The following CEP192 variants were observed in gnomAD, a reference collection of about 807,000 sequenced individuals.
CEP192 encodes the protein centrosomal protein 192, also known as centrosomal protein of 192 kDa.
CEP192 carries 151 observed loss-of-function variants against 271.8 expected under a neutral mutation model. The observed-to-expected ratio is 0.56, with a 90% CI of 0.49 to 0.64. CEP192 has a LOEUF of 0.64. Ranked by LOEUF, CEP192 falls within the 30% of genes least tolerant of loss-of-function variation. The probability of loss-of-function intolerance (pLI) is 0.00; values close to 1 mark genes in which losing one functional copy is unlikely to be tolerated. For synonymous variants in CEP192, 995 were observed against 1,076.5 expected (o/e 0.92, Z 1.48); for missense variants, 2,910 against 3,020.5 (o/e 0.96, Z 0.86).
chr18:13,021,068 A>T (rs1183792498), intron 9 of CEP192, among the ~76,000 whole-genome samples: 1 of 152,290 alleles, frequency 6.6e-6, no homozygotes, highest in East Asian at 1.9e-4. Context: ...ATTTTAAATT[A>T]TGATGTAGTG....
intron 33 of CEP192, among the ~76,000 whole-genome samples, chr18:13,090,171 A>G (rs564333341): frequency 1.3e-5 from 2 of 152,352 alleles, no homozygotes; most frequent in South Asian, 2.1e-4. Flanking sequence ...AAATGTATAT[A>G]CAGATTTTCA....
At chr18:12,999,622 C>G in intron 2 of CEP192, 34 bp downstream of exon 2, 2 of 1,471,166 alleles carry the variant, frequency 1.4e-6, no homozygotes, top group Non-Finnish European at 1.8e-6. Context: ...TTTTCCAGGT[C>G]CATAAAGCCT....
chr18:13,016,401 A>G (rs992135940), intron 6 of CEP192, among the ~76,000 whole-genome samples: 1 of 152,216 alleles, frequency 6.6e-6, no homozygotes, highest in South Asian at 2.1e-4. Context: ...AAATAAGCCC[A>G]GAAAAGTAGA....
At chr18:13,052,862 A>T in intron 17 of CEP192, 57 bp from the exon 18 acceptor site, 2 of 1,364,734 alleles carry the variant, frequency 1.5e-6, no homozygotes, top group Middle Eastern at 2.3e-4. Flanking sequence ...GTTTTTTGCT[A>T]ATGTAGATAG....
chr18:13,106,108 C>T (rs2039933870), intron 40 of CEP192, among the ~76,000 whole-genome samples: 1 of 152,146 alleles, frequency 6.6e-6, no homozygotes, highest in African/African-American at 2.4e-5. Flanking sequence ...CAAAAGCAAT[C>T]CTAAGCAAAA....
At chr18:13,039,209 C>G (rs2036071531) in intron 13 of CEP192, among the ~76,000 whole-genome samples, 1 of 152,084 alleles carries the variant, frequency 6.6e-6, no homozygotes, top group South Asian at 2.1e-4. Context: ...AATCCCAGCA[C>G]TTTGGGAGGC....
At chr18:13,059,038 A>T in intron 20 of CEP192, 44 bp from the exon 21 acceptor site, 1 of 1,226,830 alleles carries the variant, frequency 8.2e-7, no homozygotes, top group Non-Finnish European at 1.2e-6. Context: ...CTTGATTTTC[A>T]GTGTGAAGCC....
intron 20 of CEP192, chr18:13,058,086 A>G (rs375708388): frequency 6.5e-6 from 1 of 155,006 alleles, no homozygotes; most frequent in East Asian, 1.9e-4. Flanking sequence ...CTTGTAAAAA[A>G]AAAAAAAGAA....
chr18:13,025,921 AT>A (rs1260669976), intron 9 of CEP192, among the ~76,000 whole-genome samples: 1 of 152,236 alleles, frequency 6.6e-6, no homozygotes, highest in Non-Finnish European at 1.5e-5. Flanking sequence ...GAAAAATAAA[AT>A]GTTTGTTTTA....
chr18:13,049,611 C>T lies in CEP192; in HGVS notation c.2820C>T (p.Val940=). 1 of 1,613,682 alleles carries T rather than the reference C, an allele frequency of 6.2e-7. No individual in the cohort carries two copies. Among genetic ancestry groups the T allele is most frequent in the Non-Finnish European group, 8.5e-7 (1 of 1,179,928 alleles). ...AAAATCAGAGGCAAAATGAGTGTGT[C>T]AGTGAAATAAGCAACAGTGAGAAGC... ...NRENQRQNEC[V]SEISNSEKHV... The change falls in exon 16 of 45, where the codon GTC becomes GTT. Residue 940 remains valine (V), a synonymous_variant. Coordinates refer to ENST00000506447, the MANE Select transcript of CEP192 (RefSeq NM_032142.4).
rs190757412 is a variant in CEP192 at position 13,078,972 on chromosome 18, T to C, written c.5616+5787T>C. On this transcript the variant is annotated intron_variant, in intron 30 of 44. Transcript: ENST00000506447. ...TCCTGCAAAGGACGTGAACTCATCC[T>C]TTATTATGGCTGCATAGTATTCCAT... 2.6e-4 allele frequency among the ~76,000 whole-genome samples: 39 copies of C among 152,356 alleles called. 1 individual carries two copies. In the East Asian group the frequency reaches 7.3e-3, roughly 29 times the overall value.
At chr18:13,040,142 A>C (rs1028610052) in intron 13 of CEP192, among the ~76,000 whole-genome samples, 1 of 152,210 alleles carries the variant, frequency 6.6e-6, no homozygotes, top group African/African-American at 2.4e-5. Context: ...TGGGCAAAGC[A>C]CTGGATCATG....
At chr18:13,084,943 G>A (rs1223685210) in intron 30 of CEP192, among the ~76,000 whole-genome samples, 1 of 151,040 alleles carries the variant, frequency 6.6e-6, no homozygotes, top group East Asian at 1.9e-4. Flanking sequence ...AGCCTCCCAA[G>A]TAGCTGAGAC....
chr18:13,063,995 A>AT (rs201855923), intron 21 of CEP192, among the ~76,000 whole-genome samples: 6,525 of 150,604 alleles, frequency 0.043, 205 homozygotes, highest in East Asian at 0.14. Flanking sequence ...TAATTTTTGT[A>AT]TTTTTAATAG....
chr18:13,080,257 TC>T (rs1175226982), intron 30 of CEP192, among the ~76,000 whole-genome samples: 3 of 152,238 alleles, frequency 2.0e-5, no homozygotes, highest in Admixed American at 1.3e-4. Flanking sequence ...TATTGATTCT[TC>T]CTATCCATGA....
intron 11 of CEP192, among the ~76,000 whole-genome samples, chr18:13,032,178 A>G (rs941062193): frequency 1.3e-5 from 2 of 152,204 alleles, no homozygotes; most frequent in African/African-American, 4.8e-5. Context: ...GTAGAAATCT[A>G]GATGTCCCAG....
intron 11 of CEP192, among the ~76,000 whole-genome samples, chr18:13,031,248 T>G (rs1426956534): frequency 1.4e-5 from 2 of 142,622 alleles, no homozygotes; most frequent in East Asian, 2.0e-4. Context: ...TTGTTGTTTT[T>G]TTTTTTTTTT....
chr18:13,001,106 AT>A (rs1341338121), intron 2 of CEP192, among the ~76,000 whole-genome samples: 3 of 152,218 alleles, frequency 2.0e-5, no homozygotes, highest in African/African-American at 7.2e-5. Context: ...AGGGTCTTGC[AT>A]AATATATAAA....
chr18:13,061,695 T>C lies in CEP192; in HGVS notation c.4488+2383T>C, dbSNP rs575881654. 2.9e-3 allele frequency among the ~76,000 whole-genome samples: 440 copies of C among 152,354 alleles called. 1 individual carries two copies. The highest frequency in any genetic ancestry group is 5.1e-3 in the Non-Finnish European group (347 of 68,032). ...CAGCTCTGCTCTGCTTGCTTTTCTT[T>C]AGGTCAAGGATTTTTAGCATTAACA... On this transcript the variant is annotated intron_variant, in intron 21 of 44. Coordinates refer to ENST00000506447, the MANE Select transcript of CEP192 (RefSeq NM_032142.4).
Sources: allele counts gnomAD v4.1 joint callset (sites outside exome capture counted in the v4.1 genomes callset), GRCh38; gene constraint gnomAD v4.1.1; transcripts MANE v1.5; gene names NCBI Gene and HGNC (gene_info 2026-07-23, HGNC 2026-07-21).